Variants in ABCB5 observed in about 807,000 individuals in gnomAD.
ABCB5 encodes ATP binding cassette subfamily B member 5.
Under a neutral mutation model 144.2 loss-of-function variants are expected in ABCB5, and 155 were observed. The observed-to-expected ratio is 1.08, with a 90% CI of 0.94 to 1.23. The LOEUF (loss-of-function observed/expected upper bound fraction) is 1.23, where lower values mean the gene tolerates loss of function less well. Ranked by LOEUF, ABCB5 falls within the 50% of genes most tolerant of loss-of-function variation. The pLI is 0.00. For missense variants in ABCB5, 1,830 were observed against 1,520.8 expected, an observed-to-expected ratio of 1.20 and a Z score of -3.38; for synonymous variants, 610 against 528.6, an observed-to-expected ratio of 1.15 and a Z score of -2.11.
intron 1 of ABCB5, among the ~76,000 whole-genome samples, chr7:20,616,742 A>C (rs188520603): frequency 6.6e-6 from 1 of 152,162 alleles, no homozygotes; most frequent in African/African-American, 2.4e-5. Context: ...AAACTTGACA[A>C]GTTTCAAGTT....
intron 4 of ABCB5, among the ~76,000 whole-genome samples, chr7:20,629,785 G>GAGA (rs35282965): frequency 1.8e-4 from 27 of 151,732 alleles, no homozygotes; most frequent in South Asian, 1.7e-3. Flanking sequence ...GAAGGAGAAG[G>GAGA]AGAAGAAGAA....
rs1363444063 is a variant in ABCB5 at position 20,681,056 on chromosome 7, CTCTCTTTCTT to C, written c.1708-445_1708-436del. Among the ~76,000 whole-genome samples, 228 of 51,312 alleles carry C rather than the reference CTCTCTTTCTT, an allele frequency of 4.4e-3. 27 individuals carry two copies. The highest frequency in any genetic ancestry group is 0.013 in the African/African-American group (181 of 14,138). 33.7% of individuals were successfully genotyped at this position (51,312 alleles called of 152,430 possible). The stretch of plus-strand genomic sequence containing the variant: ...TTTCTCTTTCTTTCTTTCTCTCTCT[CTCTCTTTCTT>C]TCTTTCTTTCTTTCTTTCTTTCTTT... On this transcript the variant is annotated intron_variant, in intron 14 of 27. Transcript: ENST00000404938.
intron 14 of ABCB5, among the ~76,000 whole-genome samples, chr7:20,662,840 A>AT (rs1785046001): frequency 6.6e-6 from 1 of 151,968 alleles, no homozygotes; most frequent in African/African-American, 2.4e-5. Flanking sequence ...ATAAACCACC[A>AT]TAACTCTTTA....
At chr7:20,618,172 A>T (rs989678450) in intron 1 of ABCB5, among the ~76,000 whole-genome samples, 8 of 152,184 alleles carry the variant, frequency 5.3e-5, no homozygotes, top group African/African-American at 1.7e-4. Context: ...TCATCTTGAA[A>T]AGAAACCCTG....
chr7:20,756,197 A>G lies in ABCB5; in HGVS notation c.*573A>G, dbSNP rs1783081599. 1 of 152,534 alleles carries G rather than the reference A, an allele frequency of 6.6e-6. No individual in the cohort carries two copies. Among genetic ancestry groups the G allele is most frequent in the Non-Finnish European group, 1.5e-5 (1 of 68,202 alleles). 9.4% of individuals were successfully genotyped at this position (152,534 alleles called of 1,614,324 possible). ...GGAATAGAAAGGATTACGATGTAAA[A>G]TTTCTGGGAGGATTAGGTAGCTATC... On this transcript the variant is annotated 3_prime_UTR_variant, in exon 28 of 28. Coordinates refer to ENST00000404938, the MANE Select transcript of ABCB5 (RefSeq NM_001163941.2).
At chr7:20,626,092 C>A (rs994491421) in intron 2 of ABCB5, among the ~76,000 whole-genome samples, 6 of 152,130 alleles carry the variant, frequency 3.9e-5, no homozygotes, top group South Asian at 2.1e-4. Context: ...TTCTATTTTT[C>A]TGAGGTGCCC....
At chr7:20,718,338 A>G (rs1327903713) in intron 20 of ABCB5, among the ~76,000 whole-genome samples, 1 of 152,234 alleles carries the variant, frequency 6.6e-6, no homozygotes, top group African/African-American at 2.4e-5. Flanking sequence ...CCAGGGGATG[A>G]ACTGTAAGTC....
chr7:20,744,985 C>T (rs1165539955), intron 25 of ABCB5, among the ~76,000 whole-genome samples: 1 of 152,164 alleles, frequency 6.6e-6, no homozygotes, highest in East Asian at 1.9e-4. Context: ...GTATCATCTC[C>T]ACCTACTTTT....
At chr7:20,725,530 G>T (rs996603452) in intron 21 of ABCB5, among the ~76,000 whole-genome samples, 4 of 152,188 alleles carry the variant, frequency 2.6e-5, no homozygotes, top group African/African-American at 7.2e-5. Flanking sequence ...AGTGAGCCAA[G>T]ATCGCACCAC....
At chr7:20,647,084 A>G (rs1207746568) in intron 9 of ABCB5, among the ~76,000 whole-genome samples, 3 of 152,188 alleles carry the variant, frequency 2.0e-5, no homozygotes, top group Non-Finnish European at 4.4e-5. Flanking sequence ...ACAAAAATTC[A>G]AAAACGGTTT....
intron 24 of ABCB5, among the ~76,000 whole-genome samples, chr7:20,741,412 G>C (rs1055156028): frequency 6.6e-5 from 10 of 151,690 alleles, no homozygotes; most frequent in Non-Finnish European, 1.5e-4. Context: ...CAAATGCAGA[G>C]AGGGAAGTAC....
At chr7:20,755,250 T>C (rs1783051848) in intron 27 of ABCB5, among the ~76,000 whole-genome samples, 177 bp from the exon 28 acceptor site, 1 of 152,150 alleles carries the variant, frequency 6.6e-6, no homozygotes, top group African/African-American at 2.4e-5. Flanking sequence ...TGCCCAGCTG[T>C]AGTTAATATT....
chr7:20,667,797 A>C (rs1162269363), intron 14 of ABCB5, among the ~76,000 whole-genome samples: 1 of 145,448 alleles, frequency 6.9e-6, no homozygotes, highest in Non-Finnish European at 1.5e-5. Flanking sequence ...TACTGCTGCC[A>C]TCTCGGCTCA....
At chr7:20,720,558 T>C (rs1024334840) in intron 20 of ABCB5, among the ~76,000 whole-genome samples, 7 of 120,600 alleles carry the variant, frequency 5.8e-5, no homozygotes, top group African/African-American at 1.6e-4. Flanking sequence ...TTGAATCTAA[T>C]TGTGAGGAAA....
chr7:20,703,508 A>C (rs961955471), intron 19 of ABCB5, among the ~76,000 whole-genome samples: 2 of 152,166 alleles, frequency 1.3e-5, no homozygotes, highest in Non-Finnish European at 2.9e-5. Context: ...AAAAGTTTTC[A>C]TCTAACATAT....
At chr7:20,666,355 C>T (rs1785194982) in intron 14 of ABCB5, among the ~76,000 whole-genome samples, 1 of 152,086 alleles carries the variant, frequency 6.6e-6, no homozygotes, top group Admixed American at 6.5e-5. Context: ...ACACGCTTTC[C>T]CAGAAACTGT....
chr7:20,654,179 G>GC (rs1275867117), intron 13 of ABCB5, among the ~76,000 whole-genome samples: 1 of 149,146 alleles, frequency 6.7e-6, no homozygotes. Context: ...AATCAGCACT[G>GC]TTTTTTTTTT....
intron 7 of ABCB5, among the ~76,000 whole-genome samples, chr7:20,645,389 T>G (rs1784378962): frequency 6.6e-6 from 1 of 152,236 alleles, no homozygotes; most frequent in South Asian, 2.1e-4. Flanking sequence ...TTTAGGTGGA[T>G]AGACTTGCTA....
At chr7:20,652,617 G>A (rs1450286510) in intron 13 of ABCB5, among the ~76,000 whole-genome samples, 1 of 152,164 alleles carries the variant, frequency 6.6e-6, no homozygotes, top group Non-Finnish European at 1.5e-5. Flanking sequence ...CCCCAAAAGA[G>A]TGAAATCATA....
Sources: gnomAD v4.1 joint callset for allele counts (sites outside exome capture counted in the v4.1 genomes callset) on GRCh38, gnomAD v4.1.1 for gene constraint, MANE v1.5 for transcripts, NCBI Gene and HGNC (gene_info 2026-07-23, HGNC 2026-07-21) for gene names.